RAB10: variants seen among roughly 807,000 people sequenced by gnomAD.
RAB10 encodes RAB10, member RAS oncogene family.
A neutral mutation model predicts 25.7 loss-of-function variants in RAB10; 5 were observed. That is an observed-to-expected ratio of 0.19 (90% CI 0.10 to 0.41). The LOEUF (loss-of-function observed/expected upper bound fraction) is 0.41, where lower values mean the gene tolerates loss of function less well. Among genes scored for constraint, RAB10 ranks in the 10% least tolerant of loss-of-function variants. RAB10 has a pLI of 1.00. For missense variants in RAB10, 103 were observed against 245.8 expected (o/e 0.42, Z 3.89); for synonymous variants, 89 against 86.4 (o/e 1.03, Z -0.16).
Position 26,137,354 on chromosome 2 carries a change from A to G in RAB10, c.*2333A>G, listed in dbSNP as rs1414278024. 2 of 152,686 alleles carry G rather than the reference A, an allele frequency of 1.3e-5. No individual in the cohort carries two copies. The highest frequency in any genetic ancestry group is 2.9e-5 in the Non-Finnish European group (2 of 68,046). 9.5% of individuals were successfully genotyped at this position (152,686 alleles called of 1,614,324 possible). On this transcript the variant is annotated 3_prime_UTR_variant, in exon 6 of 6. Coordinates refer to ENST00000264710, the MANE Select transcript of RAB10 (RefSeq NM_016131.5). The stretch of plus-strand genomic sequence containing the variant: ...ACAGTTAAGTCCATTCTCTGGTACT[A>G]GCTACAAATTCGGTTTCATATTCTA...
At chr2:26,038,933 A>G (rs1665826206) in intron 1 of RAB10, among the ~76,000 whole-genome samples, 1 of 151,912 alleles carries the variant, frequency 6.6e-6, no homozygotes, top group South Asian at 2.1e-4. Context: ...TCAAAAAAAA[A>G]AAAAAAAAAA....
chr2:26,059,438 T>C (rs1283646503), intron 1 of RAB10, among the ~76,000 whole-genome samples: 1 of 152,320 alleles, frequency 6.6e-6, no homozygotes, highest in Non-Finnish European at 1.5e-5. Context: ...TAAGCAAGCA[T>C]ACATTAGAAT....
chr2:26,098,920 G>A (rs1667283990), intron 2 of RAB10, among the ~76,000 whole-genome samples, 198 bp downstream of exon 2: 1 of 152,176 alleles, frequency 6.6e-6, no homozygotes. Flanking sequence ...TACTTACCGT[G>A]TGAACTGAGG....
chr2:26,052,470 A>ATT (rs10712935), intron 1 of RAB10, among the ~76,000 whole-genome samples: 18 of 114,514 alleles, frequency 1.6e-4, no homozygotes, highest in African/African-American at 4.0e-4. Flanking sequence ...CCGTGAGCCA[A>ATT]TTTTTTTTTT....
intron 1 of RAB10, among the ~76,000 whole-genome samples, chr2:26,090,820 G>A (rs914855753): frequency 6.6e-6 from 1 of 151,984 alleles, no homozygotes; most frequent in African/African-American, 2.4e-5. Flanking sequence ...TATAGTCCCA[G>A]CCGCTCTGGG....
At chr2:26,037,891 TC>T (rs1297994080) in intron 1 of RAB10, among the ~76,000 whole-genome samples, 1 of 152,068 alleles carries the variant, frequency 6.6e-6, no homozygotes, top group Non-Finnish European at 1.5e-5. Context: ...CTAAACAATT[TC>T]TTTTTTTTTT....
intron 1 of RAB10, among the ~76,000 whole-genome samples, chr2:26,092,284 TGTGTGTGTGTGTGTGTGTGTGTGTGTGTG>T (rs1667124219): frequency 1.8e-5 from 2 of 108,862 alleles, no homozygotes; most frequent in African/African-American, 7.9e-5. Context: ...TGTGTGTGTG[TGTGTGTGTGTGTGTGTGTGTGTGTGTGTG>T]TGTGTGTGTT....
At chr2:26,128,723 A>C (rs1667952326) in intron 5 of RAB10, among the ~76,000 whole-genome samples, 1 of 152,212 alleles carries the variant, frequency 6.6e-6, no homozygotes, top group African/African-American at 2.4e-5. Flanking sequence ...TACTGAATAA[A>C]ACCTATTATG....
intron 5 of RAB10, among the ~76,000 whole-genome samples, chr2:26,130,455 A>G (rs1667989793): frequency 6.6e-6 from 1 of 151,622 alleles, no homozygotes; most frequent in Admixed American, 6.6e-5. Context: ...GGGGTATGCC[A>G]TCAAGCCTGG....
chr2:26,067,851 C>T lies in RAB10; in HGVS notation c.128-30811C>T, dbSNP rs1376701878. On this transcript the variant is annotated intron_variant, in intron 1 of 5. Transcript: ENST00000264710. The stretch of plus-strand genomic sequence containing the variant: ...TGCAACTTTGTTAAAAATGTAAAGT[C>T]TAAGACAGTAGATTTGTACACGATG... Among the ~76,000 whole-genome samples, 4 of 152,118 alleles carry T rather than the reference C, an allele frequency of 2.6e-5. No homozygotes were observed. In the East Asian group the frequency reaches 5.8e-4, roughly 22 times the overall value.
At chr2:26,118,430 A>G (rs1013355985) in intron 3 of RAB10, among the ~76,000 whole-genome samples, 4 of 149,924 alleles carry the variant, frequency 2.7e-5, no homozygotes, top group Non-Finnish European at 4.4e-5. Flanking sequence ...TTAAAAAAAA[A>G]CAAAGGCCGG....
At chr2:26,070,121 A>G (rs1282027467) in intron 1 of RAB10, among the ~76,000 whole-genome samples, 2 of 152,240 alleles carry the variant, frequency 1.3e-5, no homozygotes, top group African/African-American at 4.8e-5. Flanking sequence ...CAGCTACACG[A>G]ATTCTTCTAG....
intron 1 of RAB10, among the ~76,000 whole-genome samples, chr2:26,071,389 T>G (rs1227169850): frequency 6.6e-6 from 1 of 152,192 alleles, no homozygotes; most frequent in Non-Finnish European, 1.5e-5. Context: ...AATTTATGCT[T>G]TTAAGATTGG....
chr2:26,039,801 C>T (rs1465441871), intron 1 of RAB10, among the ~76,000 whole-genome samples: 1 of 151,286 alleles, frequency 6.6e-6, no homozygotes, highest in Admixed American at 6.6e-5. Flanking sequence ...TTGCTTGGGC[C>T]CAAGAGTTCA....
chr2:26,128,776 A>G (rs1667954207), intron 5 of RAB10, among the ~76,000 whole-genome samples: 1 of 152,110 alleles, frequency 6.6e-6, no homozygotes, highest in Non-Finnish European at 1.5e-5. Context: ...TGGGGAATTT[A>G]TATTTTACCT....
At chr2:26,070,434 A>G (rs1475993399) in intron 1 of RAB10, among the ~76,000 whole-genome samples, 2 of 152,322 alleles carry the variant, frequency 1.3e-5, no homozygotes, top group East Asian at 1.9e-4. Flanking sequence ...TTGAACCTCA[A>G]GGATTTTTTT....
At chr2:26,087,241 T>C (rs772622456) in intron 1 of RAB10, among the ~76,000 whole-genome samples, 5 of 152,198 alleles carry the variant, frequency 3.3e-5, no homozygotes, top group Non-Finnish European at 5.9e-5. Context: ...CCTGCAACTT[T>C]AAGTAAATTA....
chr2:26,134,511 C>T (rs912493431), intron 5 of RAB10, among the ~76,000 whole-genome samples: 2 of 152,164 alleles, frequency 1.3e-5, no homozygotes, highest in African/African-American at 4.8e-5. Context: ...AACTATGATA[C>T]AGTAATAAAA....
intron 1 of RAB10, among the ~76,000 whole-genome samples, chr2:26,079,281 G>A (rs572422164): frequency 2.7e-5 from 4 of 149,282 alleles, no homozygotes; most frequent in South Asian, 4.3e-4. Flanking sequence ...GGTTCCTCAC[G>A]GAGTGGGGGT....
Sources: gnomAD v4.1 joint callset for allele counts (sites outside exome capture counted in the v4.1 genomes callset) on GRCh38, gnomAD v4.1.1 for gene constraint, MANE v1.5 for transcripts, NCBI Gene and HGNC (gene_info 2026-07-23, HGNC 2026-07-21) for gene names.